Variants in MILR1 observed in about 807,000 individuals in gnomAD.
MILR1 encodes the protein mast cell immunoglobulin like receptor 1.
Under a neutral mutation model 18.5 loss-of-function variants are expected in MILR1, and 31 were observed. That is an observed-to-expected ratio of 1.68 (90% CI 1.26 to 2.26). MILR1 has a LOEUF of 2.26. Ranked by LOEUF, MILR1 falls within the 30% of genes most tolerant of loss-of-function variation. MILR1 has a pLI of 0.00. For synonymous variants in MILR1, 85 were observed against 56.2 expected (o/e 1.51, Z -2.30); for missense variants, 257 against 157.4 (o/e 1.63, Z -3.38).
the MILR1 span, among the ~76,000 whole-genome samples, chr17:64,488,473 CAGG>C: frequency 2.0e-5 from 3 of 151,994 alleles, no homozygotes; most frequent in African/African-American, 7.3e-5. Flanking sequence ...AAGGCAGAGG[CAGG>C]AGAACAGCTT....
downstream of MILR1, chr17:64,468,720 A>G (rs2144095946): frequency 1.4e-6 from 1 of 724,118 alleles, no homozygotes; most frequent in Admixed American, 5.5e-5. Context: ...TCCACTGGTC[A>G]GCACTGTCCA....
intron 3 of MILR1, among the ~76,000 whole-genome samples, chr17:64,457,002 C>A (rs958978775): frequency 6.6e-6 from 1 of 151,990 alleles, no homozygotes; most frequent in Non-Finnish European, 1.5e-5. Context: ...CATGGTAAGG[C>A]CCTATGTCTA....
the MILR1 span, chr17:64,492,879 T>C: frequency 6.2e-7 from 1 of 1,613,948 alleles, no homozygotes; most frequent in Non-Finnish European, 8.5e-7. Context: ...GCCAAGTTAT[T>C]TGCCACTTTT....
the MILR1 span, among the ~76,000 whole-genome samples, chr17:64,479,855 G>A: frequency 6.6e-6 from 1 of 152,196 alleles, no homozygotes; most frequent in African/African-American, 2.4e-5. Context: ...TTGAGCAATT[G>A]GGTGAACAGA....
At chr17:64,471,603 G>T (rs985931136), downstream of MILR1, among the ~76,000 whole-genome samples, 1 of 152,206 alleles carries the variant, frequency 6.6e-6, no homozygotes, top group Admixed American at 6.5e-5. Flanking sequence ...ACAGGACACA[G>T]AGGTGGCAGA....
Position 64,466,595 on chromosome 17 carries a change from G to A in MILR1, c.912G>A (p.Glu304=). The change falls in exon 8 of 10, where the codon GAG becomes GAA. Residue 304 remains glutamate, a splice_region_variant and synonymous_variant. Coordinates refer to ENST00000619286, the MANE Select transcript of MILR1 (RefSeq NM_001085423.2). The stretch of plus-strand genomic sequence containing the variant: ...TCCTATTCCTTATCTTTTGCCCAGA[G>A]GCCAAACACTCCCAGGAGCTACAGT... ...SRPCVSTAQD[E]AKHSQELQYA... is the part of the protein sequence containing the mutation. 1 of 1,611,534 alleles carries A rather than the reference G, an allele frequency of 6.2e-7. No homozygotes were observed. Among genetic ancestry groups the A allele is most frequent in the Non-Finnish European group, 8.5e-7 (1 of 1,178,868 alleles).
At chr17:64,491,604 G>C in the MILR1 span, 4 of 1,540,864 alleles carry the variant, frequency 2.6e-6, no homozygotes, top group South Asian at 4.5e-5. Context: ...CTTGATGTGG[G>C]ACTTCAGCCC....
rs2037522092 is a variant in MILR1, at chr17:64,465,085, C to T, written c.764-367C>T. Among the ~76,000 whole-genome samples the T allele has an allele frequency of 4.6e-5, 7 of 152,292 alleles. No homozygotes were observed. The South Asian group carries it at 1.4e-3, about 32-fold the overall frequency. On this transcript the variant is annotated intron_variant, in intron 5 of 9. Coordinates refer to ENST00000619286, the MANE Select transcript of MILR1 (RefSeq NM_001085423.2). The stretch of plus-strand genomic sequence containing the variant: ...CTCCAGCCCAGGCGACAGAGCGAGA[C>T]TCCATCTTAAAAAAAAAGAATTCAA...
downstream of MILR1, among the ~76,000 whole-genome samples, chr17:64,469,451 G>A (rs940433965): frequency 1.3e-5 from 2 of 152,170 alleles, no homozygotes; most frequent in Admixed American, 6.5e-5. Context: ...AGGTTGGAGT[G>A]CCATGGTACG....
the MILR1 span, chr17:64,480,360 T>C: frequency 6.3e-7 from 1 of 1,591,358 alleles, no homozygotes; most frequent in South Asian, 1.1e-5. Flanking sequence ...TCCCATTTTC[T>C]AGTAACTCAT....
In MILR1 at chr17:64,462,023, C is replaced by T. The variant is rs1043068203; in HGVS notation, c.763+1091C>T. 3.8e-3 allele frequency among the ~76,000 whole-genome samples: 586 copies of T among 152,224 alleles called. 4 individuals are homozygous for T. The highest frequency in any genetic ancestry group is 0.013 in the African/African-American group (544 of 41,526). ...TATCCATTTATCCCCCATGGGTACCCGGGTTGCTTCCACCTTTTGTCTATT... is the reference window on the plus strand; with the variant it reads ...TATCCATTTATCCCCCATGGGTACCTGGGTTGCTTCCACCTTTTGTCTATT... On this transcript the variant is annotated intron_variant, in intron 5 of 9. Transcript: ENST00000619286.
the MILR1 span, chr17:64,485,652 C>G: frequency 6.3e-3 from 7,220 of 1,153,784 alleles, 41 homozygotes; most frequent in Non-Finnish European, 7.9e-3. Context: ...TGTTAGAAAC[C>G]GAGCACACTA....
chr17:64,483,062 T>C, the MILR1 span: 1 of 819,830 alleles, frequency 1.2e-6, no homozygotes, highest in Non-Finnish European at 2.1e-6. Context: ...TTTGTTTAAA[T>C]ATAACACAAG....
chr17:64,490,453 C>T, the MILR1 span: 1 of 333,538 alleles, frequency 3.0e-6, no homozygotes, highest in East Asian at 7.9e-5. Context: ...ATTAACTAGA[C>T]TGTACTCTTC....
the MILR1 span, chr17:64,496,555 C>A: frequency 6.2e-7 from 1 of 1,613,942 alleles, no homozygotes; most frequent in African/African-American, 1.3e-5. Flanking sequence ...CCCCGGGTAG[C>A]AAAGGGCCTG....
the MILR1 span, among the ~76,000 whole-genome samples, chr17:64,495,138 A>G: frequency 1.4e-5 from 2 of 140,224 alleles, no homozygotes; most frequent in Non-Finnish European, 3.0e-5. Context: ...AGATTGTGCC[A>G]CTGCACTCCA....
chr17:64,496,068 T>A, the MILR1 span, among the ~76,000 whole-genome samples: 2 of 152,350 alleles, frequency 1.3e-5, no homozygotes, highest in African/African-American at 4.8e-5. Context: ...ACATTTTTAC[T>A]TAGAATAAAT....
At chr17:64,464,769 A>C (rs2037512148) in intron 5 of MILR1, among the ~76,000 whole-genome samples, 1 of 152,132 alleles carries the variant, frequency 6.6e-6, no homozygotes. Flanking sequence ...CTAAAAATAC[A>C]AAAAATTAGC....
At chr17:64,487,983 G>GTTC in the MILR1 span, among the ~76,000 whole-genome samples, 2 of 152,080 alleles carry the variant, frequency 1.3e-5, no homozygotes, top group Non-Finnish European at 2.9e-5. Context: ...TATCCTAACT[G>GTTC]TTCTTCAGCC....
Sources: allele counts gnomAD v4.1 joint callset (sites outside exome capture counted in the v4.1 genomes callset), GRCh38; gene constraint gnomAD v4.1.1; transcripts MANE v1.5; gene names NCBI Gene and HGNC (gene_info 2026-07-23, HGNC 2026-07-21).